Variants in NCSTN observed in about 807,000 individuals in gnomAD.
NCSTN encodes anterior pharynx-defective 2.
Under a neutral mutation model 87.0 loss-of-function variants are expected in NCSTN, and 22 were observed. The ratio of observed to expected loss-of-function variants is 0.25; its 90% CI spans 0.18 to 0.36. The LOEUF is 0.36. Among genes scored for constraint, NCSTN ranks in the 10% least tolerant of loss-of-function variants. NCSTN has a pLI of 1.00. For synonymous variants in NCSTN, 306 were observed against 327.1 expected, an observed-to-expected ratio of 0.94 and a Z score of 0.69; for missense variants, 693 against 883.3, an observed-to-expected ratio of 0.78 and a Z score of 2.73.
rs34884866 is a variant in NCSTN at position 160,352,949 on chromosome 1, C to T, written c.1059C>T (p.Pro353=). ...MVYDMEKGKF[P]VQLENVDSFV... ...ACGATATGGAGAAGGGCAAGTTTCC[C>T]GTGCAGTTAGAGAATGTTGACTCAT... Residue 353 remains proline (P), a synonymous_variant, in exon 9 of 17, where the codon CCC becomes CCT. Transcript: ENST00000294785. The T allele has an allele frequency of 3.7e-4, 591 of 1,614,126 alleles. 1 individual carries two copies. The African/African-American group carries it at 5.9e-3, about 16-fold the overall frequency.
intron 15 of NCSTN, 63 bp from the exon 16 acceptor site, chr1:160,356,978 G>A: frequency 6.7e-7 from 1 of 1,489,186 alleles, no homozygotes; most frequent in South Asian, 1.1e-5. Flanking sequence ...CTGATAGAGG[G>A]TAGAGGGAAC....
intron 2 of NCSTN, among the ~76,000 whole-genome samples, chr1:160,347,808 C>G (rs1363324127): frequency 6.6e-6 from 1 of 152,230 alleles, no homozygotes; most frequent in Non-Finnish European, 1.5e-5. Context: ...TGGGGTTTCG[C>G]CATGTTGGCC....
intron 3 of NCSTN, 84 bp from the exon 4 acceptor site, chr1:160,349,465 C>T: frequency 6.4e-7 from 1 of 1,551,408 alleles, no homozygotes. Context: ...CCCTAGTTCC[C>T]CATTTGTTTC....
intron 5 of NCSTN, among the ~76,000 whole-genome samples, chr1:160,350,869 C>T (rs1220499021): frequency 6.6e-6 from 1 of 152,116 alleles, no homozygotes; most frequent in Non-Finnish European, 1.5e-5. Flanking sequence ...GAGTTGATCT[C>T]CAAGCTGTGT....
chr1:160,346,852 G>A (rs57353414), intron 2 of NCSTN, among the ~76,000 whole-genome samples: 5,874 of 152,202 alleles, frequency 0.039, 400 homozygotes, highest in African/African-American at 0.13. Flanking sequence ...TGATCTGCCC[G>A]CCTTGGCCTC....
At chr1:160,356,885 G>A (rs1308084236) in intron 15 of NCSTN, 131 bp downstream of exon 15, 3 of 1,406,214 alleles carry the variant, frequency 2.1e-6, no homozygotes, top group Non-Finnish European at 3.0e-6. Flanking sequence ...CAGCAATTGG[G>A]TGTTGAAAAG....
Position 160,350,969 on chromosome 1 carries a change from C to T in NCSTN, c.583-253C>T, listed in dbSNP as rs182670314. 2.0e-5 allele frequency among the ~76,000 whole-genome samples: 3 copies of T among 152,302 alleles called. No individual in the cohort carries two copies. The East Asian group carries it at 5.8e-4, about 29-fold the overall frequency. ...GGCTGAAGCTTCAAATTGGGCCAGG[C>T]CATCTGGAATGGGATAGTTTCATCT... On this transcript the variant is annotated intron_variant, in intron 5 of 16. Transcript: ENST00000294785.
At position 160,343,467 on chromosome 1, in the gene NCSTN, G is replaced by C; in HGVS notation, c.71G>C (p.Cys24Ser). 1.2e-6 allele frequency: 2 copies of C among 1,610,292 alleles called. No individual in the cohort carries two copies. The highest frequency in any genetic ancestry group is 1.7e-6 in the Non-Finnish European group (2 of 1,178,826). The change falls in exon 1 of 17, where the codon TGC becomes TCC. Residue 24 changes from cysteine to serine, a missense_variant. By Grantham distance (112) the Cys-to-Ser change is moderately radical. This residue lies in a region of NCSTN where 235 missense variants were observed against 233.9 expected (regional missense o/e 1.00). Coordinates refer to ENST00000294785, the MANE Select transcript of NCSTN (RefSeq NM_015331.3). ...SRGLLRLLSFCVLLAGLCRGN... is the reference protein window; with the variant it reads ...SRGLLRLLSFSVLLAGLCRGN... ...GGTCTCCTTCGCCTTCTGTCTTTCT[G>C]CGTCCTACTAGCAGGTGAGGCCTCC...
chr1:160,355,787 T>C, intron 12 of NCSTN, 30 bp downstream of exon 12: 2 of 1,605,362 alleles, frequency 1.2e-6, no homozygotes, highest in Non-Finnish European at 1.7e-6. Flanking sequence ...GGTGGGAGCC[T>C]GGGGCACACA....
intron 10 of NCSTN, chr1:160,353,458 G>A (rs1571208022): frequency 1.4e-6 from 2 of 1,435,960 alleles, no homozygotes; most frequent in East Asian, 5.2e-5. Context: ...GTAGTTCTCT[G>A]ATCATTTGTT....
At chr1:160,346,932 G>A (rs777623481) in intron 2 of NCSTN, among the ~76,000 whole-genome samples, 2 of 152,234 alleles carry the variant, frequency 1.3e-5, no homozygotes, top group Admixed American at 6.5e-5. Context: ...GAACTGGTTT[G>A]TAGGTAGAAG....
chr1:160,358,309 C>G lies in NCSTN; in HGVS notation c.*38C>G, dbSNP rs760530728. The G allele has an allele frequency of 1.2e-6, 2 of 1,613,416 alleles. No individual in the cohort carries two copies. Among genetic ancestry groups the G allele is most frequent in the Non-Finnish European group, 1.7e-6 (2 of 1,179,962 alleles). On this transcript the variant is annotated 3_prime_UTR_variant, in exon 17 of 17. Transcript: ENST00000294785. ...CTTTTCTTGCCAGCTCAGCAGTTCA[C>G]TTCCTAGAGCATCTGTCCCACTGGG...
chr1:160,354,011 G>C, intron 10 of NCSTN, 107 bp from the exon 11 acceptor site: 1 of 1,205,832 alleles, frequency 8.3e-7, no homozygotes, highest in Non-Finnish European at 1.2e-6. Flanking sequence ...AGATAGGGTA[G>C]CTCCCCAAGC....
chr1:160,349,345 C>T (rs1649430129), intron 3 of NCSTN: 2 of 935,858 alleles, frequency 2.1e-6, no homozygotes, highest in Non-Finnish European at 3.4e-6. Flanking sequence ...CATCCCTCCC[C>T]TCCCTCCCTG....
At chr1:160,349,813 A>G in intron 4 of NCSTN, 143 bp downstream of exon 4, 9 of 1,267,274 alleles carry the variant, frequency 7.1e-6, no homozygotes, top group Non-Finnish European at 9.1e-6. Flanking sequence ...GGTAGTGTTT[A>G]TTTGTCTTTG....
intron 6 of NCSTN, 143 bp from the exon 7 acceptor site, chr1:160,351,553 G>T (rs1648838670): frequency 8.1e-7 from 1 of 1,236,260 alleles, no homozygotes; most frequent in Admixed American, 1.7e-5. Context: ...GTGGATAGTG[G>T]CAGAGAAGCC....
rs780431700 is a variant in NCSTN at position 160,349,173 on chromosome 1, A to G, written c.314+51A>G. 3.1e-6 allele frequency: 5 copies of G among 1,609,722 alleles called. No individual in the cohort carries two copies. In the African/African-American group the frequency reaches 5.3e-5, roughly 17 times the overall value. Reference sequence around the variant, plus strand: ...AAAACATCCATAGAGGGAAAGTTTCAGTGAACAGTCCTCACACTTATTAGT... The same window carrying G: ...AAAACATCCATAGAGGGAAAGTTTCGGTGAACAGTCCTCACACTTATTAGT... On this transcript the variant is annotated intron_variant, in intron 3 of 16. Transcript: ENST00000294785.
In NCSTN at chr1:160,358,194, A is replaced by G. The variant is rs760609038; in HGVS notation, c.2053A>G (p.Ile685Val). 6 of 1,614,054 alleles carry G rather than the reference A, an allele frequency of 3.7e-6. No individual in the cohort carries two copies. Among genetic ancestry groups the G allele is most frequent in the Admixed American group, 3.3e-5 (2 of 59,994 alleles). The stretch of plus-strand genomic sequence containing the variant: ...CTTCGGCATCCTCATCTTCTCCCTC[A>G]TCGTCACCTACTGCATCAATGCCAA... The part of the protein sequence containing the change: ...VGFGILIFSL[I>V]VTYCINAKAD... The change falls in exon 17 of 17, where the codon ATC (isoleucine) becomes GTC (valine). Residue 685 changes from isoleucine (I) to valine (V), a missense_variant. Ile to Val is a conservative substitution (Grantham distance 29). This residue lies in a region of NCSTN where 216 missense variants were observed against 311.7 expected (regional missense o/e 0.69). Transcript: ENST00000294785.
In NCSTN at chr1:160,354,113, C is replaced by A. The variant is rs7528638; in HGVS notation, c.1180-5C>A. 2.5e-6 allele frequency: 4 copies of A among 1,613,808 alleles called. No individual in the cohort carries two copies. Among genetic ancestry groups the A allele is most frequent in the Non-Finnish European group, 2.5e-6 (3 of 1,179,896 alleles). On this transcript the variant is annotated splice_region_variant and splice_polypyrimidine_tract_variant and intron_variant, in intron 10 of 16. Transcript: ENST00000294785. ...CCATCAGTTAATCTCCCTCGTACCCCCCAGGTGGAGGATCTCCTGGCCACA... is the reference window on the plus strand; with the variant it reads ...CCATCAGTTAATCTCCCTCGTACCCACCAGGTGGAGGATCTCCTGGCCACA...
Sources: gnomAD v4.1 joint callset for allele counts (sites outside exome capture counted in the v4.1 genomes callset) on GRCh38, gnomAD v4.1.1 for gene constraint, gnomAD v4.1.1 regional missense constraint, MANE v1.5 for transcripts, NCBI Gene and HGNC (gene_info 2026-07-23, HGNC 2026-07-21) for gene names.